The following LINGO2 variants were observed in gnomAD, a reference collection of about 807,000 sequenced individuals.
LINGO2 encodes leucine-rich repeat and immunoglobulin-like domain-containing nogo receptor-interacting protein 2.
Under a neutral mutation model 30.6 loss-of-function variants are expected in LINGO2, and 14 were observed. The observed-to-expected ratio is 0.46, with a 90% CI of 0.30 to 0.72. The LOEUF is 0.72. LINGO2 is among the 30% of genes least tolerant of loss of function. LINGO2 has a pLI of 0.07. For synonymous variants in LINGO2, 317 were observed against 288.5 expected (o/e 1.10, Z -1.00); for missense variants, 729 against 751.7 (o/e 0.97, Z 0.35).
At chr9:28,540,241 G>GCT (rs952987278) in intron 1 of LINGO2, among the ~76,000 whole-genome samples, 3 of 148,746 alleles carry the variant, frequency 2.0e-5, no homozygotes, top group African/African-American at 7.5e-5. Flanking sequence ...TTTGAGACAG[G>GCT]CTCTCTCTCT....
chr9:28,498,342 T>G (rs906023998), intron 1 of LINGO2, among the ~76,000 whole-genome samples: 2 of 152,152 alleles, frequency 1.3e-5, no homozygotes, highest in Admixed American at 6.5e-5. Flanking sequence ...TTTACCTACT[T>G]AAGCCTTAGC....
At chr9:28,508,984 T>C (rs899017216) in intron 1 of LINGO2, among the ~76,000 whole-genome samples, 12 of 152,234 alleles carry the variant, frequency 7.9e-5, no homozygotes, top group Middle Eastern at 6.8e-3. Flanking sequence ...ACATACCACA[T>C]GCTACATACT....
chr9:28,227,057 T>G (rs1821194497), intron 4 of LINGO2, among the ~76,000 whole-genome samples: 1 of 152,080 alleles, frequency 6.6e-6, no homozygotes, highest in South Asian at 2.1e-4. Context: ...TTATGAAGAT[T>G]TAATGAAATA....
chr9:28,460,837 G>T (rs181363094), intron 2 of LINGO2, among the ~76,000 whole-genome samples: 61 of 152,128 alleles, frequency 4.0e-4, no homozygotes, highest in Middle Eastern at 3.4e-3. Flanking sequence ...AGGGGTGGAG[G>T]AGTGGGAGGT....
At chr9:28,277,383 C>G (rs2134112122) in intron 4 of LINGO2, among the ~76,000 whole-genome samples, 1 of 152,230 alleles carries the variant, frequency 6.6e-6, no homozygotes, top group African/African-American at 2.4e-5. Context: ...TTATCTTTCC[C>G]CCTCTCCTAG....
At chr9:28,947,071 T>C in the LINGO2 span, among the ~76,000 whole-genome samples, 2 of 152,092 alleles carry the variant, frequency 1.3e-5, no homozygotes, top group Admixed American at 1.3e-4. Flanking sequence ...AATCTGAAAT[T>C]TCCTCAAACA....
At chr9:29,119,843 C>A in the LINGO2 span, among the ~76,000 whole-genome samples, 1 of 151,970 alleles carries the variant, frequency 6.6e-6, no homozygotes, top group African/African-American at 2.4e-5. Context: ...GGTGATCCCC[C>A]CACCTTGGCC....
chr9:28,725,447 A>G, the LINGO2 span, among the ~76,000 whole-genome samples: 1 of 151,984 alleles, frequency 6.6e-6, no homozygotes, highest in Non-Finnish European at 1.5e-5. Context: ...CAATGAATGA[A>G]CAACGTATCA....
chr9:28,710,223 G>A, the LINGO2 span, among the ~76,000 whole-genome samples: 48 of 151,768 alleles, frequency 3.2e-4, no homozygotes, highest in Admixed American at 3.2e-3. Flanking sequence ...CTTGCATTAT[G>A]TGAGGACACA....
intron 4 of LINGO2, among the ~76,000 whole-genome samples, chr9:28,050,713 C>T (rs925226539): frequency 4.0e-5 from 6 of 150,884 alleles, no homozygotes; most frequent in African/African-American, 1.5e-4. Context: ...CCAGGCATTC[C>T]ACTGTAAGTG....
the LINGO2 span, among the ~76,000 whole-genome samples, chr9:28,759,887 G>A: frequency 1.3e-5 from 2 of 151,794 alleles, no homozygotes; most frequent in South Asian, 2.1e-4. Context: ...GGTAAAACAT[G>A]GGTCAGACCC....
chr9:29,208,499 T>C, the LINGO2 span, among the ~76,000 whole-genome samples: 2 of 152,094 alleles, frequency 1.3e-5, no homozygotes, highest in East Asian at 3.8e-4. Flanking sequence ...TTGACTTTCA[T>C]GACACATGTT....
intron 3 of LINGO2, among the ~76,000 whole-genome samples, chr9:28,323,883 T>G (rs186977331): frequency 1.1e-4 from 17 of 152,152 alleles, no homozygotes; most frequent in Admixed American, 2.0e-4. Context: ...ATAACAGAAA[T>G]TAAAAGCTAC....
chr9:28,950,196 G>A, the LINGO2 span, among the ~76,000 whole-genome samples: 5 of 152,098 alleles, frequency 3.3e-5, no homozygotes, highest in Admixed American at 6.6e-5. Flanking sequence ...AGTCAACACC[G>A]CTTCATGCTA....
At chr9:28,450,838 T>A (rs1050702534) in intron 2 of LINGO2, among the ~76,000 whole-genome samples, 9 of 151,968 alleles carry the variant, frequency 5.9e-5, no homozygotes, top group Non-Finnish European at 1.2e-4. Context: ...TTATACTCTA[T>A]TGTCATTATA....
At chr9:28,197,993 G>A (rs1427664853) in intron 4 of LINGO2, among the ~76,000 whole-genome samples, 1 of 151,808 alleles carries the variant, frequency 6.6e-6, no homozygotes, top group Non-Finnish European at 1.5e-5. Context: ...TAATAAATGT[G>A]TGTGTAAACA....
intron 1 of LINGO2, among the ~76,000 whole-genome samples, chr9:28,655,913 C>G (rs1185812482): frequency 6.6e-6 from 1 of 152,106 alleles, no homozygotes; most frequent in Non-Finnish European, 1.5e-5. Context: ...AACGTGAGAA[C>G]AGACTAATAC....
At chr9:28,487,152 T>A (rs1435967787) in intron 1 of LINGO2, among the ~76,000 whole-genome samples, 1 of 152,106 alleles carries the variant, frequency 6.6e-6, no homozygotes, top group African/African-American at 2.4e-5. Context: ...GAGACAGACA[T>A]TGGTCCCCAT....
At chr9:28,594,710 T>C (rs1374615584) in intron 1 of LINGO2, among the ~76,000 whole-genome samples, 1 of 152,076 alleles carries the variant, frequency 6.6e-6, no homozygotes, top group Non-Finnish European at 1.5e-5. Context: ...GAGATCGCAA[T>C]ATGAAAAGCT....
Sources: gnomAD v4.1 joint callset for allele counts (sites outside exome capture counted in the v4.1 genomes callset) on GRCh38, gnomAD v4.1.1 for gene constraint, MANE v1.5 for transcripts, NCBI Gene and HGNC (gene_info 2026-07-23, HGNC 2026-07-21) for gene names.